Variants in GHR observed in about 807,000 individuals in gnomAD.
GHR encodes the protein growth hormone receptor, also known as GH receptor.
In GHR, 35 loss-of-function variants were observed where a neutral mutation model predicts 67.1. That is an observed-to-expected ratio of 0.52 (90% CI 0.40 to 0.69). GHR has a LOEUF of 0.69. Ranked by LOEUF, GHR falls within the 30% of genes least tolerant of loss-of-function variation. The pLI, the probability that GHR is intolerant of heterozygous loss-of-function variation, is 0.00. For missense variants in GHR, 792 were observed against 764.6 expected, an observed-to-expected ratio of 1.04 and a Z score of -0.42; for synonymous variants, 272 against 269.1, an observed-to-expected ratio of 1.01 and a Z score of -0.10.
chr5:42,472,571 T>G (rs1745059698), intron 1 of GHR, among the ~76,000 whole-genome samples: 1 of 152,222 alleles, frequency 6.6e-6, no homozygotes, highest in African/African-American at 2.4e-5. Flanking sequence ...TGGAACATGG[T>G]GTATAGCCCA....
chr5:42,675,633 G>A (rs1056797847), intron 3 of GHR, among the ~76,000 whole-genome samples: 2 of 152,142 alleles, frequency 1.3e-5, no homozygotes, highest in African/African-American at 4.8e-5. Context: ...CAGCATTAAG[G>A]GAAGTTATAC....
chr5:42,558,782 A>AT (rs1191929440), intron 1 of GHR, among the ~76,000 whole-genome samples: 4 of 152,206 alleles, frequency 2.6e-5, no homozygotes, highest in African/African-American at 9.7e-5. Context: ...CTAATGATGC[A>AT]TTTTTCAGAA....
intron 3 of GHR, among the ~76,000 whole-genome samples, chr5:42,662,303 T>G (rs922663863): frequency 6.6e-6 from 1 of 152,154 alleles, no homozygotes; most frequent in Admixed American, 6.5e-5. Context: ...AGAATATACA[T>G]TTTTTTCAGC....
chr5:42,656,335 C>A (rs1256776098), intron 3 of GHR, among the ~76,000 whole-genome samples: 1 of 152,102 alleles, frequency 6.6e-6, no homozygotes, highest in South Asian at 2.1e-4. Flanking sequence ...TTCTCATTAC[C>A]CAGTGGATTG....
chr5:42,579,577 C>T (rs1751049235), intron 2 of GHR, among the ~76,000 whole-genome samples: 1 of 152,196 alleles, frequency 6.6e-6, no homozygotes, highest in South Asian at 2.1e-4. Context: ...ACAACTTAAA[C>T]ATCAGTTAAC....
In GHR at chr5:42,576,104, A is replaced by AAAATAAAAT. The variant is rs1561135772; in HGVS notation, c.70+10164_70+10172dup. Among the ~76,000 whole-genome samples the AAAATAAAAT allele has an allele frequency of 4.0e-3, 316 of 79,314 alleles. 1 individual carries two copies. The highest frequency in any genetic ancestry group is 0.02 in the Middle Eastern group (3 of 152). 52.0% of individuals were successfully genotyped at this position (79,314 alleles called of 152,430 possible). A position where few individuals can be genotyped will look rare whatever the true frequency, so the allele number is the denominator to read the frequency against. Reference sequence around the variant, plus strand: ...TAAAATAAAATAAAATAAAATAAATAAAATAAAATAAAATAAAATAAAATA... The same window carrying AAAATAAAAT: ...TAAAATAAAATAAAATAAAATAAATAAAATAAAATAAATAAAATAAAATAAAATAAAATA... On this transcript the variant is annotated intron_variant, in intron 2 of 9. Coordinates refer to ENST00000230882, the MANE Select transcript of GHR (RefSeq NM_000163.5).
chr5:42,689,729 A>G (rs1757334950), intron 4 of GHR, among the ~76,000 whole-genome samples: 1 of 152,196 alleles, frequency 6.6e-6, no homozygotes, highest in African/African-American at 2.4e-5. Flanking sequence ...TTAGGGACTG[A>G]CCATGCCAAA....
intron 1 of GHR, among the ~76,000 whole-genome samples, chr5:42,459,513 T>C (rs1444982263): frequency 6.6e-6 from 1 of 152,112 alleles, no homozygotes; most frequent in Admixed American, 6.6e-5. Context: ...GGCCTACTTG[T>C]GGGTAGAGGG....
intron 1 of GHR, among the ~76,000 whole-genome samples, chr5:42,430,647 T>TGTGTGTGTGTGTGTGTG: frequency 1.3e-5 from 2 of 151,960 alleles, no homozygotes; most frequent in Admixed American, 6.6e-5. Context: ...TATGTGTGTG[T>TGTGTGTGTGTGTGTGTG]TTCTTCACTT....
chr5:42,445,636 T>C (rs570345247), intron 1 of GHR, among the ~76,000 whole-genome samples: 55 of 152,372 alleles, frequency 3.6e-4, no homozygotes, highest in African/African-American at 1.3e-3. Flanking sequence ...TGATTTATCC[T>C]GATGTAAATC....
intron 3 of GHR, among the ~76,000 whole-genome samples, chr5:42,647,989 C>T (rs995542350): frequency 2.0e-5 from 3 of 152,052 alleles, no homozygotes; most frequent in Non-Finnish European, 2.9e-5. Context: ...TAAATGCGAG[C>T]TTTTCACTGT....
At chr5:42,573,999 C>T (rs1005518203) in intron 2 of GHR, among the ~76,000 whole-genome samples, 4 of 152,136 alleles carry the variant, frequency 2.6e-5, no homozygotes, top group African/African-American at 9.7e-5. Flanking sequence ...TTATATTTTC[C>T]AGAGCCTTGG....
chr5:42,522,995 G>C (rs1747542345), intron 1 of GHR, among the ~76,000 whole-genome samples: 1 of 152,196 alleles, frequency 6.6e-6, no homozygotes, highest in Non-Finnish European at 1.5e-5. Flanking sequence ...GAATGAGAAA[G>C]AGATTTTTAG....
chr5:42,613,556 G>A (rs910285887), intron 2 of GHR, among the ~76,000 whole-genome samples: 3 of 152,058 alleles, frequency 2.0e-5, no homozygotes, highest in African/African-American at 7.2e-5. Context: ...TTGGGAAAGC[G>A]TCATTTCAAA....
At chr5:42,570,803 T>C (rs1355067068) in intron 2 of GHR, among the ~76,000 whole-genome samples, 6 of 152,218 alleles carry the variant, frequency 3.9e-5, no homozygotes. Context: ...AGGGTTTTAA[T>C]CTAGGTAATA....
At chr5:42,637,447 C>T (rs545580712) in intron 3 of GHR, among the ~76,000 whole-genome samples, 2 of 152,118 alleles carry the variant, frequency 1.3e-5, no homozygotes, top group Non-Finnish European at 2.9e-5. Flanking sequence ...ACTCACACCC[C>T]GCTCCCAATC....
intron 1 of GHR, among the ~76,000 whole-genome samples, chr5:42,524,247 G>T (rs1747602772): frequency 6.6e-6 from 1 of 152,192 alleles, no homozygotes; most frequent in African/African-American, 2.4e-5. Context: ...TGACCCAACA[G>T]CCTGATAACG....
chr5:42,525,876 TG>T (rs1747685952), intron 1 of GHR, among the ~76,000 whole-genome samples: 1 of 152,252 alleles, frequency 6.6e-6, no homozygotes, highest in Non-Finnish European at 1.5e-5. Context: ...AAGAGTCTTT[TG>T]CCTCCTGCCA....
chr5:42,455,711 A>T (rs1744232096), intron 1 of GHR, among the ~76,000 whole-genome samples: 1 of 152,182 alleles, frequency 6.6e-6, no homozygotes. Context: ...TGGTCACTAG[A>T]TTTAGGAATA....
Sources: gnomAD v4.1 joint callset for allele counts (sites outside exome capture counted in the v4.1 genomes callset) on GRCh38, gnomAD v4.1.1 for gene constraint, MANE v1.5 for transcripts, NCBI Gene and HGNC (gene_info 2026-07-23, HGNC 2026-07-21) for gene names.